Variants in SMIM36 observed in about 807,000 individuals in gnomAD.
SMIM36 encodes small integral membrane protein 36.
chr17:55,474,529 C>T (rs1451406957), intron 3 of SMIM36, among the ~76,000 whole-genome samples: 1 of 113,440 alleles, frequency 8.8e-6, no homozygotes, highest in African/African-American at 3.6e-5. Flanking sequence ...CTTGCCTACT[C>T]CATTTGAGTG....
rs902620562 is a variant in SMIM36 at position 55,500,347 on chromosome 17, A to G, written c.*174+10532T>C. On this transcript the variant is annotated intron_variant, in intron 1 of 4. Coordinates refer to ENST00000636752, the Ensembl canonical transcript of SMIM36. ...GCTATGTTGCCCAGGCTGGTCTCAA[A>G]CTCTTGGTCTCAAGTGATCCTCTTG... is the stretch of plus-strand genomic sequence containing the variant. Among the ~76,000 whole-genome samples, 3 of 152,086 alleles carry G rather than the reference A, an allele frequency of 2.0e-5. No homozygotes were observed. The East Asian group carries it at 5.8e-4, about 29-fold the overall frequency.
intron 1 of SMIM36, among the ~76,000 whole-genome samples, chr17:55,505,164 C>G (rs1910060075): frequency 1.1e-5 from 1 of 92,960 alleles, no homozygotes; most frequent in Non-Finnish European, 2.1e-5. Context: ...GGAACTGGTA[C>G]CATTCCTTCT....
At chr17:55,484,773 G>A (rs933998806) in intron 1 of SMIM36, among the ~76,000 whole-genome samples, 108 of 152,320 alleles carry the variant, frequency 7.1e-4, no homozygotes, top group African/African-American at 2.5e-3. Flanking sequence ...ATAAACTGGG[G>A]CTGTCTCATG....
At chr17:55,499,613 T>C (rs1909873020) in intron 1 of SMIM36, among the ~76,000 whole-genome samples, 1 of 152,146 alleles carries the variant, frequency 6.6e-6, no homozygotes, top group African/African-American at 2.4e-5. Flanking sequence ...TTGGTTTGGG[T>C]CCTTCCCAAA....
chr17:55,459,350 A>G lies in SMIM36; in HGVS notation c.*531+7795T>C, dbSNP rs140226927. ...ATCAAATTTTCTGCAGCTAGGTCCTAGATTTTTTTTGTTGTTGTTCAAATT... is the reference window on the plus strand; with the variant it reads ...ATCAAATTTTCTGCAGCTAGGTCCTGGATTTTTTTTGTTGTTGTTCAAATT... On this transcript the variant is annotated intron_variant, in intron 4 of 4. Transcript: ENST00000636752. Among the ~76,000 whole-genome samples the G allele has an allele frequency of 2.8e-3, 419 of 152,294 alleles. 2 individuals carry two copies. Among genetic ancestry groups the G allele is most frequent in the African/African-American group, 9.9e-3 (411 of 41,564 alleles).
chr17:55,463,282 G>A (rs1211700495), intron 4 of SMIM36, among the ~76,000 whole-genome samples: 1 of 152,108 alleles, frequency 6.6e-6, no homozygotes, highest in African/African-American at 2.4e-5. Context: ...GGCCGGACAC[G>A]GTGGCTCACA....
the SMIM36 span, among the ~76,000 whole-genome samples, chr17:55,521,225 A>G: frequency 6.6e-6 from 1 of 152,354 alleles, no homozygotes; most frequent in South Asian, 2.1e-4. Flanking sequence ...TCTTTGTCTT[A>G]AATAAGGAAA....
At chr17:55,503,108 T>C (rs1183325067) in intron 1 of SMIM36, among the ~76,000 whole-genome samples, 2 of 109,178 alleles carry the variant, frequency 1.8e-5, no homozygotes, top group Non-Finnish European at 3.5e-5. Flanking sequence ...TTGGTGTACC[T>C]GAAAGTGATG....
the SMIM36 span, among the ~76,000 whole-genome samples, chr17:55,518,247 A>T: frequency 1.3e-5 from 2 of 152,218 alleles, no homozygotes; most frequent in Admixed American, 6.5e-5. Context: ...TTGTCATTTC[A>T]TCAAGAATCT....
chr17:55,512,432 G>A (rs1910197215), upstream of SMIM36, among the ~76,000 whole-genome samples: 1 of 152,220 alleles, frequency 6.6e-6, no homozygotes, highest in Non-Finnish European at 1.5e-5. Context: ...GCACAGGGGA[G>A]TGACACTACT....
At chr17:55,489,064 T>C (rs1909656780) in intron 1 of SMIM36, among the ~76,000 whole-genome samples, 1 of 152,136 alleles carries the variant, frequency 6.6e-6, no homozygotes, top group South Asian at 2.1e-4. Flanking sequence ...GAAACTGCAG[T>C]ACATAATTAT....
intron 4 of SMIM36, among the ~76,000 whole-genome samples, chr17:55,451,217 C>A (rs575520209): frequency 1.3e-5 from 2 of 152,240 alleles, no homozygotes; most frequent in East Asian, 3.9e-4. Context: ...TAGACTAAGA[C>A]CCTAATTCCA....
intron 1 of SMIM36, among the ~76,000 whole-genome samples, chr17:55,494,863 G>A (rs1293793172): frequency 6.6e-6 from 1 of 152,132 alleles, no homozygotes; most frequent in East Asian, 1.9e-4. Context: ...AGGAATGCAC[G>A]ATAAAAGGCA....
rs549673650 is a variant in SMIM36, at chr17:55,453,854, C to T, written c.*532-3556G>A. Reference sequence around the variant, plus strand: ...GGGATAGATCTTCATTGGGTGATGTCTGAAATAACTTAGTGTTTTCCCCTT... The same window carrying T: ...GGGATAGATCTTCATTGGGTGATGTTTGAAATAACTTAGTGTTTTCCCCTT... On this transcript the variant is annotated intron_variant, in intron 4 of 4. Transcript: ENST00000636752. Among the ~76,000 whole-genome samples the T allele has an allele frequency of 2.6e-5, 4 of 152,286 alleles. 1 individual carries two copies. In the South Asian group the frequency reaches 8.3e-4, roughly 32 times the overall value.
intron 1 of SMIM36, among the ~76,000 whole-genome samples, chr17:55,502,350 G>A: frequency 9.5e-6 from 1 of 105,024 alleles, no homozygotes; most frequent in Non-Finnish European, 1.9e-5. Context: ...GGGAGCAGTG[G>A]TTCTCCCAGC....
chr17:55,507,652 G>A (rs1041580144), intron 1 of SMIM36, among the ~76,000 whole-genome samples: 1 of 141,360 alleles, frequency 7.1e-6, no homozygotes, highest in Non-Finnish European at 1.5e-5. Flanking sequence ...TGGGTGCAGT[G>A]CACCAGCATG....
chr17:55,474,591 G>A (rs763226080), intron 3 of SMIM36, among the ~76,000 whole-genome samples: 7 of 152,168 alleles, frequency 4.6e-5, no homozygotes, highest in Non-Finnish European at 7.3e-5. Context: ...TTTGGTTTTT[G>A]TTTTTGACTT....
intron 1 of SMIM36, among the ~76,000 whole-genome samples, chr17:55,491,840 T>A (rs1909711003): frequency 6.6e-6 from 1 of 152,214 alleles, no homozygotes; most frequent in Non-Finnish European, 1.5e-5. Context: ...CTCAGCCACT[T>A]TTCTTCAACA....
upstream of SMIM36, among the ~76,000 whole-genome samples, chr17:55,512,036 A>G (rs1384535667): frequency 2.6e-5 from 4 of 152,210 alleles, no homozygotes; most frequent in Non-Finnish European, 5.9e-5. Context: ...AGATAATTGC[A>G]CAATTCGCCA....
Sources: gnomAD v4.1 joint callset for allele counts (sites outside exome capture counted in the v4.1 genomes callset) on GRCh38, gnomAD v4.1.1 for gene constraint, MANE v1.5 for transcripts, NCBI Gene and HGNC (gene_info 2026-07-23, HGNC 2026-07-21) for gene names.